CFAP61: variants seen among roughly 807,000 people sequenced by gnomAD.
CFAP61 encodes the protein cilia and flagella associated protein 61.
CFAP61 carries 107 observed loss-of-function variants against 135.6 expected under a neutral mutation model. That is an observed-to-expected ratio of 0.79 (90% CI 0.67 to 0.93). The LOEUF (loss-of-function observed/expected upper bound fraction) is 0.93. CFAP61 is among the 40% of genes least tolerant of loss of function. The pLI is 0.00. For missense variants in CFAP61, 1,507 were observed against 1,556.2 expected, an observed-to-expected ratio of 0.97 and a Z score of 0.53; for synonymous variants, 575 against 578.5, an observed-to-expected ratio of 0.99 and a Z score of 0.09.
chr20:20,098,054 G>A (rs1201938914), intron 7 of CFAP61, among the ~76,000 whole-genome samples: 2 of 152,160 alleles, frequency 1.3e-5, no homozygotes, highest in Non-Finnish European at 2.9e-5. Context: ...TATGGAGCAG[G>A]CAGGAGCATG....
intron 21 of CFAP61, among the ~76,000 whole-genome samples, chr20:20,268,627 C>G (rs1420289747): frequency 2.6e-5 from 4 of 152,184 alleles, no homozygotes; most frequent in Non-Finnish European, 5.9e-5. Context: ...TAGAACTGCT[C>G]TAGTGCCATG....
At position 20,142,889 on chromosome 20, in the gene CFAP61, C is replaced by CA. The variant is rs1358783435; in HGVS notation, c.898dup (p.Ile300AsnfsTer40). On this transcript the variant is annotated frameshift_variant, in exon 9 of 27. Transcript: ENST00000245957. LOFTEE classifies it high-confidence loss of function. Reference sequence around the variant, plus strand: ...GCTCAGGAGTAGCAGCCAAGGTTCCCAAAAAATAGTCGAGGAGTTGCAGGA... The same window carrying CA: ...GCTCAGGAGTAGCAGCCAAGGTTCCCAAAAAAATAGTCGAGGAGTTGCAGGA... 1.9e-6 allele frequency: 3 copies of CA among 1,605,562 alleles called. No homozygotes were observed. Among genetic ancestry groups the CA allele is most frequent in the Middle Eastern group, 1.7e-4 (1 of 6,054 alleles).
chr20:20,056,112 G>T, intron 1 of CFAP61: 1 of 854,100 alleles, frequency 1.2e-6, no homozygotes, highest in Non-Finnish European at 1.9e-6. Flanking sequence ...AATGGGCCTG[G>T]TGGCCCTTCA....
intron 8 of CFAP61, among the ~76,000 whole-genome samples, chr20:20,139,267 A>G (rs2051176992): frequency 6.6e-6 from 1 of 152,288 alleles, no homozygotes; most frequent in East Asian, 1.9e-4. Flanking sequence ...AGTAATGCAA[A>G]ATGATGAATG....
chr20:20,136,131 TG>T (rs1287837853), intron 8 of CFAP61, among the ~76,000 whole-genome samples: 1 of 152,172 alleles, frequency 6.6e-6, no homozygotes, highest in Non-Finnish European at 1.5e-5. Context: ...GTGTATTATT[TG>T]TTTTTTTTTC....
At chr20:20,076,170 G>T (rs148007028) in intron 6 of CFAP61, among the ~76,000 whole-genome samples, 2 of 152,132 alleles carry the variant, frequency 1.3e-5, no homozygotes, top group Admixed American at 1.3e-4. Flanking sequence ...AGCCTTGGGC[G>T]CTCCGTCCTC....
At chr20:20,149,171 G>T (rs1186630217) in intron 9 of CFAP61, among the ~76,000 whole-genome samples, 1 of 152,112 alleles carries the variant, frequency 6.6e-6, no homozygotes, top group Non-Finnish European at 1.5e-5. Flanking sequence ...TACCAAGATA[G>T]ACCATATTAT....
chr20:20,334,844 C>G (rs887015891), intron 25 of CFAP61, among the ~76,000 whole-genome samples: 1 of 152,132 alleles, frequency 6.6e-6, no homozygotes, highest in African/African-American at 2.4e-5. Context: ...ATATTCAGTC[C>G]GATTTCCATC....
intron 8 of CFAP61, among the ~76,000 whole-genome samples, chr20:20,102,040 TATCTGCTGGA>T (rs1273733917): frequency 1.3e-5 from 2 of 152,210 alleles, no homozygotes; most frequent in African/African-American, 4.8e-5. Flanking sequence ...AAACAACTCC[TATCTGCTGGA>T]ATCTTCACCT....
At chr20:20,259,658 G>GA (rs1188630162) in intron 20 of CFAP61, 1 of 152,092 alleles carries the variant, frequency 6.6e-6, no homozygotes, top group Non-Finnish European at 1.5e-5. Flanking sequence ...CAAGAGGCAA[G>GA]AAAGAGGAAG....
At chr20:20,170,656 T>C (rs1243580152) in intron 13 of CFAP61, among the ~76,000 whole-genome samples, 1 of 152,196 alleles carries the variant, frequency 6.6e-6, no homozygotes, top group Non-Finnish European at 1.5e-5. Context: ...GTCAGAGAGC[T>C]CACTCTATAA....
intron 20 of CFAP61, chr20:20,253,499 AC>A (rs2051177041): frequency 2.3e-6 from 1 of 432,064 alleles, no homozygotes; most frequent in Non-Finnish European, 4.6e-6. Context: ...TACTTTGTTC[AC>A]CTGGCTATGC....
intron 25 of CFAP61, among the ~76,000 whole-genome samples, chr20:20,340,663 G>T (rs1429636503): frequency 6.6e-6 from 1 of 152,180 alleles, no homozygotes; most frequent in Non-Finnish European, 1.5e-5. Context: ...CGAGCAGGCG[G>T]TTCCGCCACC....
intron 17 of CFAP61, among the ~76,000 whole-genome samples, chr20:20,226,450 T>G (rs1370708151): frequency 6.6e-6 from 1 of 152,206 alleles, no homozygotes; most frequent in African/African-American, 2.4e-5. Flanking sequence ...CCAGAATAAG[T>G]GACAGTTGTT....
At chr20:20,324,025 A>T (rs2057654859) in intron 25 of CFAP61, among the ~76,000 whole-genome samples, 1 of 152,138 alleles carries the variant, frequency 6.6e-6, no homozygotes, top group Admixed American at 6.6e-5. Context: ...TTTTGTTTTC[A>T]TAATTAACCC....
intron 25 of CFAP61, among the ~76,000 whole-genome samples, chr20:20,333,344 A>T (rs2058066850): frequency 6.6e-6 from 1 of 152,324 alleles, no homozygotes; most frequent in South Asian, 2.1e-4. Flanking sequence ...AGCTAAGAAG[A>T]CTGAGACTAA....
Position 20,169,407 on chromosome 20 carries a change from C to A in CFAP61, c.1332C>A (p.Asn444Lys). ...IQNFVKMVPF[N>K]TCTLEQDLYV... ...ACTTCGTGAAAATGGTCCCTTTCAA[C>A]ACCTGCACCCTCGAGCAGGACCTCT... Residue 444 changes from asparagine to lysine, a missense_variant, in exon 13 of 27, where the codon AAC (asparagine) becomes AAA (lysine). Transcript: ENST00000245957. 6.2e-7 allele frequency: 1 copy of A among 1,614,070 alleles called. No individual in the cohort carries two copies. The highest frequency in any genetic ancestry group is 8.5e-7 in the Non-Finnish European group (1 of 1,179,974).
At chr20:20,172,929 T>C (rs1198868310) in intron 13 of CFAP61, among the ~76,000 whole-genome samples, 1 of 152,248 alleles carries the variant, frequency 6.6e-6, no homozygotes, top group Non-Finnish European at 1.5e-5. Context: ...ACATCCTCTG[T>C]GCTCTGTCTG....
intron 8 of CFAP61, among the ~76,000 whole-genome samples, chr20:20,141,001 C>A (rs998153424): frequency 6.6e-6 from 1 of 151,410 alleles, no homozygotes; most frequent in African/African-American, 2.4e-5. Flanking sequence ...TGACTCACTG[C>A]AACCTCCGCC....
Sources: allele counts gnomAD v4.1 joint callset (sites outside exome capture counted in the v4.1 genomes callset), GRCh38; gene constraint gnomAD v4.1.1; transcripts MANE v1.5; gene names NCBI Gene and HGNC (gene_info 2026-07-23, HGNC 2026-07-21).